The following ZNF516 variants were observed in gnomAD, a reference collection of about 807,000 sequenced individuals.
The protein encoded by ZNF516 is zinc finger protein 516.
In ZNF516, 19 loss-of-function variants were observed where a neutral mutation model predicts 79.7. The observed-to-expected ratio is 0.24, with a 90% CI of 0.17 to 0.35. The LOEUF (loss-of-function observed/expected upper bound fraction) is 0.35, where lower values mean the gene tolerates loss of function less well. ZNF516 is among the 10% of genes least tolerant of loss of function. The pLI is 1.00. For synonymous variants in ZNF516, 877 were observed against 739.5 expected (o/e 1.19, Z -3.02); for missense variants, 1,678 against 1,679.5 (o/e 1.00, Z 0.02).
In ZNF516 at chr18:76,459,621, G is replaced by A. The variant is rs1318439398; in HGVS notation, c.-158+3407C>T. On this transcript the variant is annotated intron_variant, in intron 2 of 6. Coordinates refer to ENST00000443185, the MANE Select transcript of ZNF516 (RefSeq NM_014643.4). This position sits in a 1 kb window ranked among gnomAD's most constrained non-coding sequence, Gnocchi z 5.0. ...TCAACACCAAGCCTTTAAATGTCCA[G>A]CAGCTCCACAGCCCGAGTCAGAGTG... 6.6e-6 allele frequency among the ~76,000 whole-genome samples: 1 copy of A among 152,204 alleles called. No individual in the cohort carries two copies. Among genetic ancestry groups the A allele is most frequent in the South Asian group, 2.1e-4 (1 of 4,834 alleles).
chr18:76,391,018 T>C (rs1599168921), intron 3 of ZNF516, among the ~76,000 whole-genome samples: 1 of 152,020 alleles, frequency 6.6e-6, no homozygotes. Flanking sequence ...CTGGCAGGTG[T>C]TCCCAGATCC....
chr18:76,434,465 T>A (rs933980080), intron 3 of ZNF516, among the ~76,000 whole-genome samples: 1 of 152,188 alleles, frequency 6.6e-6, no homozygotes, highest in Non-Finnish European at 1.5e-5. Flanking sequence ...CCAATAAGAA[T>A]CTGTAAACGC....
intron 1 of ZNF516, among the ~76,000 whole-genome samples, chr18:76,477,792 T>A (rs180752175): frequency 6.6e-6 from 1 of 152,042 alleles, no homozygotes; most frequent in Non-Finnish European, 1.5e-5. Flanking sequence ...AACGAAGGAA[T>A]GCAAACTCAT....
chr18:76,492,094 C>T lies in ZNF516; in HGVS notation c.-272+3050G>A, dbSNP rs182989505. ...TGGACGAGGTCCCTCCCAGGGGTCT[C>T]CCTGCAGGGGTCTCCGGGGAGGTAG... On this transcript the variant is annotated intron_variant, in intron 1 of 6. Coordinates refer to ENST00000443185, the MANE Select transcript of ZNF516 (RefSeq NM_014643.4). The T allele has an allele frequency of 1.2e-3, 1,159 of 929,984 alleles. 1 individual carries two copies. Among genetic ancestry groups the T allele is most frequent in the Non-Finnish European group, 1.4e-3 (1,101 of 779,398 alleles). 57.6% of individuals were successfully genotyped at this position (929,984 alleles called of 1,614,324 possible). A position where few individuals can be genotyped will look rare whatever the true frequency, so the allele number is the denominator to read the frequency against.
At chr18:76,384,681 T>A (rs952646179) in intron 3 of ZNF516, among the ~76,000 whole-genome samples, 1 of 149,896 alleles carries the variant, frequency 6.7e-6, no homozygotes, top group African/African-American at 2.5e-5. Context: ...ACGGAAGAAC[T>A]CGGCTAGAGA....
At chr18:76,398,211 TTCACGGCTACTCTACACCTTACACA>T (rs1599180735) in intron 3 of ZNF516, among the ~76,000 whole-genome samples, 1 of 152,316 alleles carries the variant, frequency 6.6e-6, no homozygotes, top group East Asian at 1.9e-4. Flanking sequence ...CAAGTTGGCT[TTCACGGCTACTCTACACCTTACACA>T]CCTTCCTTCG....
intron 1 of ZNF516, among the ~76,000 whole-genome samples, chr18:76,469,220 C>T (rs1913679801): frequency 6.6e-6 from 1 of 152,166 alleles, no homozygotes; most frequent in Admixed American, 6.6e-5. Flanking sequence ...TAAAATTAGT[C>T]AACTGTGCAG....
At chr18:76,403,283 G>A (rs1404023863) in intron 3 of ZNF516, among the ~76,000 whole-genome samples, 1 of 152,156 alleles carries the variant, frequency 6.6e-6, no homozygotes, top group East Asian at 1.9e-4. Context: ...TGCCTGACCT[G>A]GTTCATCTCT....
At chr18:76,405,325 T>C (rs2075289554) in intron 3 of ZNF516, among the ~76,000 whole-genome samples, 1 of 152,180 alleles carries the variant, frequency 6.6e-6, no homozygotes, top group African/African-American at 2.4e-5. Flanking sequence ...CTCGACTTCC[T>C]GGGCTCAAGC....
At chr18:76,402,615 G>A (rs964552125) in intron 3 of ZNF516, among the ~76,000 whole-genome samples, 1 of 152,190 alleles carries the variant, frequency 6.6e-6, no homozygotes. Context: ...ACGGACAGTC[G>A]TGATTGCAAA....
intron 3 of ZNF516, among the ~76,000 whole-genome samples, chr18:76,432,633 A>G (rs530404538): frequency 1.3e-5 from 2 of 152,300 alleles, no homozygotes; most frequent in East Asian, 3.9e-4. Context: ...CCCCAGCGCC[A>G]ATGAAACTCA....
chr18:76,364,040 G>T (rs561329604), intron 6 of ZNF516, among the ~76,000 whole-genome samples: 1 of 152,182 alleles, frequency 6.6e-6, no homozygotes, highest in African/African-American at 2.4e-5. Context: ...GGCATCAATG[G>T]ACTGTTCCAG....
intron 1 of ZNF516, chr18:76,490,290 G>T (rs759543916): frequency 2.9e-6 from 2 of 685,768 alleles, no homozygotes; most frequent in Non-Finnish European, 3.6e-6. Context: ...TTTTACTAAG[G>T]GGGGGCGAGG....
intron 4 of ZNF516, among the ~76,000 whole-genome samples, chr18:76,373,198 G>A (rs1389859141): frequency 1.3e-5 from 2 of 149,366 alleles, no homozygotes; most frequent in South Asian, 2.2e-4. Flanking sequence ...ACAGAAGAGA[G>A]AAGAAGCAAA....
At chr18:76,408,189 C>A (rs538760730) in intron 3 of ZNF516, among the ~76,000 whole-genome samples, 1 of 152,286 alleles carries the variant, frequency 6.6e-6, no homozygotes, top group South Asian at 2.1e-4. Flanking sequence ...CTGGCAGGAC[C>A]AGGAAAGTAG....
Position 76,379,244 on chromosome 18 carries a change from G to A in ZNF516, c.2870C>T (p.Pro957Leu). ...SKPVEKFGVP[P>L]AGAGFAPTNK... is the part of the protein sequence containing the mutation. ...TGTGGGGGCAAAGCCAGCCCCCGCT[G>A]GGGGGACCCCAAACTTCTCCACAGG... The change falls in exon 4 of 7, where the codon CCA (proline) becomes CTA (leucine). Residue 957 changes from proline (P) to leucine (L), a missense_variant. Physicochemically the swap from Pro to Leu is moderately conservative, Grantham distance 98 (BLOSUM62 -3). Around this residue, in one of 5 missense-constraint regions of ZNF516, gnomAD observed 1,294 missense variants for 1,248.3 expected, o/e 1.04. Coordinates refer to ENST00000443185, the MANE Select transcript of ZNF516 (RefSeq NM_014643.4). The A allele has an allele frequency of 1.2e-6, 2 of 1,612,568 alleles. No homozygotes were observed. Among genetic ancestry groups the A allele is most frequent in the South Asian group, 1.1e-5 (1 of 91,072 alleles).
chr18:76,430,943 C>T (rs912577330), intron 3 of ZNF516, among the ~76,000 whole-genome samples: 4 of 152,154 alleles, frequency 2.6e-5, no homozygotes, highest in Admixed American at 6.5e-5. Context: ...CTATGTGAAC[C>T]ATGCATACAG....
chr18:76,382,147 T>C (rs567339093), intron 3 of ZNF516, among the ~76,000 whole-genome samples: 332 of 141,416 alleles, frequency 2.3e-3, no homozygotes, highest in Non-Finnish European at 4.3e-3. Context: ...ATAACAGTAA[T>C]AATGATAATA....
intron 3 of ZNF516, among the ~76,000 whole-genome samples, chr18:76,415,036 A>G (rs904935668): frequency 1.3e-5 from 2 of 152,180 alleles, no homozygotes; most frequent in Non-Finnish European, 2.9e-5. Flanking sequence ...CATTTCTACT[A>G]AAAATACAAA....
Sources: allele counts gnomAD v4.1 joint callset (sites outside exome capture counted in the v4.1 genomes callset), GRCh38; gene constraint gnomAD v4.1.1; regional missense constraint gnomAD v4.1.1; non-coding constraint Gnocchi (gnomAD v3.1); transcripts MANE v1.5; gene names NCBI Gene and HGNC (gene_info 2026-07-23, HGNC 2026-07-21).